KIR3DL2: variants seen among roughly 807,000 people sequenced by gnomAD.
KIR3DL2 encodes killer cell immunoglobulin-like receptor 3DL2.
KIR3DL2 carries 42 observed loss-of-function variants against 41.6 expected under a neutral mutation model. That is an observed-to-expected ratio of 1.01 (90% CI 0.79 to 1.31). The LOEUF (loss-of-function observed/expected upper bound fraction) is 1.31, where lower values mean the gene tolerates loss of function less well. KIR3DL2 is among the 50% of genes most tolerant of loss of function. KIR3DL2 has a pLI of 0.00. For synonymous variants in KIR3DL2, 230 were observed against 221.3 expected, an observed-to-expected ratio of 1.04 and a Z score of -0.35; for missense variants, 728 against 576.8, an observed-to-expected ratio of 1.26 and a Z score of -2.68.
intron 6 of KIR3DL2, among the ~76,000 whole-genome samples, chr19:54,861,670 C>CAT (rs1390699267): frequency 1.3e-5 from 2 of 151,140 alleles, no homozygotes; most frequent in Non-Finnish European, 3.0e-5. Flanking sequence ...ATAAAAAATA[C>CAT]ATAAATATAA....
rs775433542 is a variant in KIR3DL2, at chr19:54,866,738, A to C, written c.*7A>C. The C allele has an allele frequency of 2.5e-6, 4 of 1,613,268 alleles. No individual in the cohort carries two copies. The East Asian group carries it at 8.9e-5, about 36-fold the overall frequency. On this transcript the variant is annotated 3_prime_UTR_variant, in exon 9 of 9. Transcript: ENST00000326321. ...TCTTGAGGGGGTTTTCTAGGGAGACAACAGCCCTGTCTCAAAACCAGGTTG... is the reference window on the plus strand; with the variant it reads ...TCTTGAGGGGGTTTTCTAGGGAGACCACAGCCCTGTCTCAAAACCAGGTTG...
chr19:54,862,154 A>G (rs181902016), intron 6 of KIR3DL2, among the ~76,000 whole-genome samples: 2 of 152,230 alleles, frequency 1.3e-5, no homozygotes, highest in East Asian at 1.9e-4. Context: ...GCAGCCTAAC[A>G]TGTGTCTCGC....
At chr19:54,851,911 A>G (rs2064276489) in intron 2 of KIR3DL2, 87 bp from the exon 3 acceptor site, 3 of 1,529,304 alleles carry the variant, frequency 2.0e-6, no homozygotes, top group Non-Finnish European at 2.7e-6. Context: ...AGCCTTAGAA[A>G]GCGGAAATGG....
Position 54,866,790 on chromosome 19 carries a change from A to C in KIR3DL2, c.*59A>C. The C allele has an allele frequency of 6.5e-7, 1 of 1,546,326 alleles. No individual in the cohort carries two copies. The highest frequency in any genetic ancestry group is 1.7e-5 in the Admixed American group (1 of 58,616). ...CAGATCCAATGAACCAGCAGCTGGA[A>C]TCTGAAGGCATCAGTCTGCATCTTA... On this transcript the variant is annotated 3_prime_UTR_variant, in exon 9 of 9. Coordinates refer to ENST00000326321, the MANE Select transcript of KIR3DL2 (RefSeq NM_006737.4).
At chr19:54,850,769 A>ATGGGCCTGCAGGTGGAGATC (rs2064138679) in intron 1 of KIR3DL2, among the ~76,000 whole-genome samples, 1 of 89,162 alleles carries the variant, frequency 1.1e-5, no homozygotes, top group Non-Finnish European at 2.0e-5. Context: ...GAGTGGAGAT[A>ATGGGCCTGCAGGTGGAGATC]TGGGCCTGCA....
In KIR3DL2 at chr19:54,853,938, G is replaced by A. The variant is rs549170504; in HGVS notation, c.547G>A (p.Gly183Ser). Residue 183 changes from glycine (G) to serine (S), a missense_variant, in exon 4 of 9, where the codon GGT (glycine) becomes AGT (serine). By Grantham distance (56) the Gly-to-Ser change is moderately conservative. Transcript: ENST00000326321. ...GGTCTCCAAGGCCAACTTCTCCATC[G>A]GTCCCTTGATGCCTGTCCTTGCAGG... ...DGVSKANFSI[G>S]PLMPVLAGTY... The A allele has an allele frequency of 2.8e-4, 450 of 1,613,334 alleles. 2 individuals carry two copies. The highest frequency in any genetic ancestry group is 6.0e-4 in the Admixed American group (36 of 59,984).
In KIR3DL2 at chr19:54,861,910, C is replaced by G. The variant is rs1365482127; in HGVS notation, c.1000+2781C>G. Among the ~76,000 whole-genome samples, 5 of 151,726 alleles carry G rather than the reference C, an allele frequency of 3.3e-5. No homozygotes were observed. In the East Asian group the frequency reaches 5.8e-4, roughly 18 times the overall value. ...CTCTGTTCATCACAAGAAACTTTCC[C>G]CCTCACCCAAATCCCCCACCTCACC... On this transcript the variant is annotated intron_variant, in intron 6 of 8. Transcript: ENST00000326321.
In KIR3DL2 at chr19:54,856,273, A is replaced by G. The variant is rs113922521; in HGVS notation, c.949+361A>G. Among the ~76,000 whole-genome samples the G allele has an allele frequency of 1.0e-3, 152 of 151,570 alleles. 1 individual carries two copies. Among genetic ancestry groups the G allele is most frequent in the Non-Finnish European group, 1.5e-3 (102 of 67,970 alleles). ...CTCACCCACACAGAGAGATGTCATCACCAGCAACCCCTACACTCTTTTCTT... is the reference window on the plus strand; with the variant it reads ...CTCACCCACACAGAGAGATGTCATCGCCAGCAACCCCTACACTCTTTTCTT... On this transcript the variant is annotated intron_variant, in intron 5 of 8. Coordinates refer to ENST00000326321, the MANE Select transcript of KIR3DL2 (RefSeq NM_006737.4).
chr19:54,856,433 C>T (rs1213414451), intron 5 of KIR3DL2, among the ~76,000 whole-genome samples: 1 of 151,574 alleles, frequency 6.6e-6, no homozygotes, highest in African/African-American at 2.4e-5. Context: ...GTAATCTTGG[C>T]GCTTTGAGAG....
At position 54,852,231 on chromosome 19, in the gene KIR3DL2, T is replaced by C. The variant is rs768558805; in HGVS notation, c.304T>C (p.Ser102Pro). ...CAGATGTCGGGGTTCACGCCCACAC[T>C]CCCTCACTGGGTGGTCGGCACCCAG... ...TYRCRGSRPH[S>P]LTGWSAPSNP... The change falls in exon 3 of 9, where the codon TCC (serine) becomes CCC (proline). Residue 102 changes from serine (S) to proline (P), a missense_variant. Ser to Pro is a moderately conservative substitution (Grantham distance 74). Transcript: ENST00000326321. 1 of 1,611,148 alleles carries C rather than the reference T, an allele frequency of 6.2e-7. No individual in the cohort carries two copies. Among genetic ancestry groups the C allele is most frequent in the Non-Finnish European group, 8.5e-7 (1 of 1,178,566 alleles).
Position 54,855,839 on chromosome 19 carries a change from A to G in KIR3DL2, c.876A>G (p.Arg292=), listed in dbSNP as rs1351231457. 3.7e-6 allele frequency: 6 copies of G among 1,613,398 alleles called. No homozygotes were observed. The highest frequency in any genetic ancestry group is 3.3e-5 in the Admixed American group (2 of 59,976). Residue 292 remains arginine (R), a synonymous_variant, in exon 5 of 9, where the codon AGA becomes AGG. Transcript: ENST00000326321. ...CTGCCACCCACGGAGGGACCTACAG[A>G]TGCTTCGGCTCTTTCCGTGCCCTGC... ...LGPATHGGTY[R]CFGSFRALPC... is the part of the protein sequence containing the mutation.
In KIR3DL2 at chr19:54,856,912, C is replaced by G. The variant is rs372162129; in HGVS notation, c.949+1000C>G. 1.1e-3 allele frequency among the ~76,000 whole-genome samples: 167 copies of G among 152,236 alleles called. 1 individual carries two copies. Among genetic ancestry groups the G allele is most frequent in the African/African-American group, 3.7e-3 (154 of 41,540 alleles). On this transcript the variant is annotated intron_variant, in intron 5 of 8. Coordinates refer to ENST00000326321, the MANE Select transcript of KIR3DL2 (RefSeq NM_006737.4). ...GAGTAGTCTCCACCGTGTGTGTGTA[C>G]TACAGTTCTCTATCCATTCACCCAC... is the stretch of plus-strand genomic sequence containing the variant.
At chr19:54,861,309 G>A (rs553826841) in intron 6 of KIR3DL2, among the ~76,000 whole-genome samples, 2 of 152,040 alleles carry the variant, frequency 1.3e-5, no homozygotes, top group Admixed American at 6.5e-5. Flanking sequence ...GCAGAGGAGG[G>A]AGAGCTAGAT....
rs774220383 is a variant in KIR3DL2, at chr19:54,855,881, C to G, written c.918C>G (p.Asn306Lys). 19 of 1,613,380 alleles carry G rather than the reference C, an allele frequency of 1.2e-5. No homozygotes were observed. The highest frequency in any genetic ancestry group is 6.7e-5 in the East Asian group (3 of 44,888). Residue 306 changes from asparagine to lysine, a missense_variant, in exon 5 of 9, where the codon AAC becomes AAG. Transcript: ENST00000326321. Reference sequence around the variant, plus strand: ...GTGCCCTGCCCTGCGTGTGGTCAAACTCAAGTGACCCACTGCTTGTTTCTG... The same window carrying G: ...GTGCCCTGCCCTGCGTGTGGTCAAAGTCAAGTGACCCACTGCTTGTTTCTG... ...SFRALPCVWS[N>K]SSDPLLVSVT...
intron 2 of KIR3DL2, 78 bp from the exon 3 acceptor site, chr19:54,851,920 G>A: frequency 6.4e-7 from 1 of 1,555,492 alleles, no homozygotes; most frequent in Non-Finnish European, 8.8e-7. Context: ...AAGCGGAAAT[G>A]GGAGAATCTT....
Position 54,866,953 on chromosome 19 carries a change from C to T in KIR3DL2, c.*222C>T, listed in dbSNP as rs572550905. 102 of 599,572 alleles carry T rather than the reference C, an allele frequency of 1.7e-4. 1 individual carries two copies. In the African/African-American group the frequency reaches 1.7e-3, roughly 10 times the overall value. 37.1% of individuals were successfully genotyped at this position (599,572 alleles called of 1,614,324 possible). On this transcript the variant is annotated 3_prime_UTR_variant, in exon 9 of 9. Coordinates refer to ENST00000326321, the MANE Select transcript of KIR3DL2 (RefSeq NM_006737.4). ...AAGTATCTATTTCACTTGACCCCTG[C>T]CCACCTCTCCAACCTAACTGGCTTA...
intron 5 of KIR3DL2, among the ~76,000 whole-genome samples, chr19:54,857,914 CT>C (rs369499337): frequency 5.3e-5 from 8 of 151,942 alleles, no homozygotes; most frequent in African/African-American, 1.9e-4. Context: ...ATGAGTGATG[CT>C]GAGCACTTTT....
In KIR3DL2 at chr19:54,866,621, A is replaced by G. The variant is rs1203304641; in HGVS notation, c.1258A>G (p.Thr420Ala). 1 of 1,613,814 alleles carries G rather than the reference A, an allele frequency of 6.2e-7. No individual in the cohort carries two copies. The highest frequency in any genetic ancestry group is 8.5e-7 in the Non-Finnish European group (1 of 1,179,966). The change falls in exon 9 of 9, where the codon ACA (threonine) becomes GCA (alanine). Residue 420 changes from threonine (T) to alanine (A), a missense_variant. Transcript: ENST00000326321. Reference protein sequence around the residue: ...KISRPSQRPKTPLTDTSVYTE... With the variant: ...KISRPSQRPKAPLTDTSVYTE... ...CAGTCGCCCTTCTCAGAGGCCCAAGACACCCCTAACAGATACCAGCGTGTA... is the reference window on the plus strand; with the variant it reads ...CAGTCGCCCTTCTCAGAGGCCCAAGGCACCCCTAACAGATACCAGCGTGTA...
At chr19:54,863,749 G>A (rs1383037215) in intron 6 of KIR3DL2, among the ~76,000 whole-genome samples, 1 of 151,918 alleles carries the variant, frequency 6.6e-6, no homozygotes, top group Non-Finnish European at 1.5e-5. Context: ...GTAGATTCTG[G>A]ATATTAGCCC....
Sources: gnomAD v4.1 joint callset for allele counts (sites outside exome capture counted in the v4.1 genomes callset) on GRCh38, gnomAD v4.1.1 for gene constraint, MANE v1.5 for transcripts, NCBI Gene and HGNC (gene_info 2026-07-23, HGNC 2026-07-21) for gene names.